SYNPO: variants seen among roughly 807,000 people sequenced by gnomAD.
The protein encoded by SYNPO is synaptopodin.
Under a neutral mutation model 49.5 loss-of-function variants are expected in SYNPO, and 19 were observed. The observed-to-expected ratio is 0.38, with a 90% CI of 0.27 to 0.56. The LOEUF (loss-of-function observed/expected upper bound fraction) is 0.56, where lower values mean the gene tolerates loss of function less well. SYNPO is among the 20% of genes least tolerant of loss of function. The pLI is 0.68. For synonymous variants in SYNPO, 536 were observed against 548.0 expected (o/e 0.98, Z 0.31); for missense variants, 1,131 against 1,248.3 (o/e 0.91, Z 1.42).
upstream of SYNPO, among the ~76,000 whole-genome samples, chr5:150,596,158 A>G (rs1163449187): frequency 6.6e-6 from 1 of 152,140 alleles, no homozygotes; most frequent in Non-Finnish European, 1.5e-5. Context: ...CCAACCACAG[A>G]TTCTCTGCTT....
intron 2 of SYNPO, among the ~76,000 whole-genome samples, chr5:150,631,222 T>C (rs762069299): frequency 2.6e-5 from 4 of 152,208 alleles, no homozygotes; most frequent in African/African-American, 7.2e-5. Flanking sequence ...GTCCCTGCCC[T>C]GCGGGGACAG....
chr5:150,593,100 T>C, the SYNPO span, among the ~76,000 whole-genome samples: 1 of 152,256 alleles, frequency 6.6e-6, no homozygotes, highest in Non-Finnish European at 1.5e-5. Context: ...GGAGTCTGAA[T>C]AGACATACTT....
rs1352168079 is a variant in SYNPO, at chr5:150,656,455, C to T, written c.2080C>T (p.Arg694Trp). 3.3e-6 allele frequency: 5 copies of T among 1,532,228 alleles called. No individual in the cohort carries two copies. The African/African-American group carries it at 6.9e-5, about 21-fold the overall frequency. 94.9% of individuals were successfully genotyped at this position (1,532,228 alleles called of 1,614,324 possible). Residue 694 changes from arginine (R) to tryptophan (W), a missense_variant, in exon 3 of 3, where the codon CGG becomes TGG. Around this residue, in one of 4 missense-constraint regions of SYNPO, gnomAD observed 509 missense variants for 484.5 expected, o/e 1.05. Coordinates refer to ENST00000307662, the MANE Select transcript of SYNPO (RefSeq NM_007286.6). ...CCCACCCTGGACGCCGGGCGCGTCC[C>T]GGCCCCCCAGCAGCCTAGACGGCTG... ...TSPPWTPGAS[R>W]PPSSLDGWVS...
At chr5:150,651,055 C>T in intron 2 of SYNPO, 2 of 1,178,820 alleles carry the variant, frequency 1.7e-6, no homozygotes, top group Non-Finnish European at 2.1e-6. Flanking sequence ...AGGCCTCAGC[C>T]CCAGTTCTAC....
chr5:150,620,408 C>G (rs1561639380), intron 2 of SYNPO, among the ~76,000 whole-genome samples: 1 of 152,170 alleles, frequency 6.6e-6, no homozygotes, highest in Non-Finnish European at 1.5e-5. Context: ...CGTAGCAATC[C>G]CCATGAGGGA....
At chr5:150,625,079 C>A (rs1276976581) in intron 2 of SYNPO, among the ~76,000 whole-genome samples, 1 of 152,218 alleles carries the variant, frequency 6.6e-6, no homozygotes, top group Non-Finnish European at 1.5e-5. Flanking sequence ...CTCAGTTTCC[C>A]CATCTGTAGG....
intron 2 of SYNPO, among the ~76,000 whole-genome samples, chr5:150,634,848 ACACACACACACACAC>A (rs530217901): frequency 0.02 from 2,176 of 111,410 alleles, 43 homozygotes; most frequent in African/African-American, 0.073. Flanking sequence ...ACACACACAC[ACACACACACACACAC>A]CACACACACA....
intron 2 of SYNPO, among the ~76,000 whole-genome samples, chr5:150,618,931 G>A (rs927808951): frequency 1.6e-4 from 24 of 152,110 alleles, no homozygotes; most frequent in Admixed American, 5.9e-4. Context: ...GAGCGACAGC[G>A]AGCTACGTGC....
the SYNPO span, among the ~76,000 whole-genome samples, chr5:150,593,723 G>A: frequency 1.3e-5 from 2 of 152,240 alleles, no homozygotes; most frequent in African/African-American, 2.4e-5. Flanking sequence ...GCCTCCCAAA[G>A]TTCTGGGATT....
chr5:150,596,568 C>A (rs533876051), upstream of SYNPO, among the ~76,000 whole-genome samples: 2 of 152,230 alleles, frequency 1.3e-5, no homozygotes, highest in Admixed American at 1.3e-4. Flanking sequence ...AATTTACCCC[C>A]CAAGGCAACT....
intron 2 of SYNPO, chr5:150,651,322 G>A (rs1055866390): frequency 1.0e-6 from 1 of 1,000,574 alleles, no homozygotes. Flanking sequence ...CTCATTTGCT[G>A]TGTGACTTTG....
At chr5:150,597,321 T>TTGTTG (rs1756443058), upstream of SYNPO, among the ~76,000 whole-genome samples, 1 of 150,704 alleles carries the variant, frequency 6.6e-6, no homozygotes, top group Middle Eastern at 3.2e-3. Flanking sequence ...TTTGGTTTTG[T>TTGTTG]TGTTTTGTTT....
At position 150,648,767 on chromosome 5, in the gene SYNPO, T is replaced by TACCACC. The variant is rs762703694; in HGVS notation, c.497_502dup (p.Thr166_Thr167dup). 2 of 1,614,204 alleles carry TACCACC rather than the reference T, an allele frequency of 1.2e-6. No homozygotes were observed. Among genetic ancestry groups the TACCACC allele is most frequent in the Non-Finnish European group, 1.7e-6 (2 of 1,180,026 alleles). On this transcript the variant is annotated inframe_insertion, in exon 2 of 3. Coordinates refer to ENST00000307662, the MANE Select transcript of SYNPO (RefSeq NM_007286.6). This position sits in a 1 kb window ranked among gnomAD's most constrained non-coding sequence, Gnocchi z 5.0. Reference sequence around the variant, plus strand: ...TAATTGACAAGGTATCAACTCCAGCTACCACCACCAGCACCTTCTCCAGAG... The same window carrying TACCACC: ...TAATTGACAAGGTATCAACTCCAGCTACCACCACCACCACCAGCACCTTCTCCAGAG...
chr5:150,616,027 C>T lies in SYNPO; in HGVS notation c.-265-2076C>T, dbSNP rs137968281. ...GGGGGCAGAAGGTGGGCTTCTTTCT[C>T]CTGATTTCCCTGCCACTGAGGCTGC... On this transcript the variant is annotated intron_variant, in intron 1 of 2. Transcript: ENST00000394243. Among the ~76,000 whole-genome samples, 185 of 152,334 alleles carry T rather than the reference C, an allele frequency of 1.2e-3. 1 individual carries two copies. The highest frequency in any genetic ancestry group is 4.4e-3 in the African/African-American group (181 of 41,572).
At chr5:150,629,679 C>T (rs565583976) in intron 2 of SYNPO, among the ~76,000 whole-genome samples, 3 of 152,250 alleles carry the variant, frequency 2.0e-5, no homozygotes, top group Admixed American at 6.5e-5. Context: ...TCTAAGAGTG[C>T]TTGAAAGATA....
At chr5:150,614,780 T>G (rs1338032407) in intron 1 of SYNPO, 1 of 152,138 alleles carries the variant, frequency 6.6e-6, no homozygotes, top group Non-Finnish European at 1.5e-5. Flanking sequence ...GCAGGTGCTC[T>G]CCTACCCACA....
chr5:150,639,910 A>G (rs1447290929), upstream of SYNPO, among the ~76,000 whole-genome samples: 1 of 152,172 alleles, frequency 6.6e-6, no homozygotes, highest in Non-Finnish European at 1.5e-5. Context: ...AAAGCAAAAC[A>G]CTGGGAGGGG....
At chr5:150,616,876 T>C (rs10053185) in intron 1 of SYNPO, among the ~76,000 whole-genome samples, 20,711 of 152,084 alleles carry the variant, frequency 0.14, 3,555 homozygotes, top group African/African-American at 0.39. Flanking sequence ...TCCCTCTTGC[T>C]TGGATTATCA....
At chr5:150,640,243 G>A, upstream of SYNPO, 1 of 882,760 alleles carries the variant, frequency 1.1e-6, no homozygotes, top group South Asian at 5.2e-5. Flanking sequence ...AGGGGGTGGT[G>A]GCATTCTAGG....
Sources: gnomAD v4.1 joint callset for allele counts (sites outside exome capture counted in the v4.1 genomes callset) on GRCh38, gnomAD v4.1.1 for gene constraint, gnomAD v4.1.1 regional missense constraint, Gnocchi (gnomAD v3.1) non-coding constraint, MANE v1.5 for transcripts, NCBI Gene and HGNC (gene_info 2026-07-23, HGNC 2026-07-21) for gene names.